KCTD8: variants seen among roughly 807,000 people sequenced by gnomAD.
KCTD8 encodes BTB/POZ domain-containing protein KCTD8.
In KCTD8, 27 loss-of-function variants were observed where a neutral mutation model predicts 31.5. That is an observed-to-expected ratio of 0.86 (90% confidence interval 0.63 to 1.18). The LOEUF (loss-of-function observed/expected upper bound fraction) is 1.18. Among genes scored for constraint, KCTD8 ranks in the 50% most tolerant of loss-of-function variants. KCTD8 has a pLI of 0.00. For synonymous variants in KCTD8, 290 were observed against 280.0 expected (o/e 1.04, Z -0.36); for missense variants, 658 against 647.7 (o/e 1.02, Z -0.17).
chr4:44,314,230 T>G (rs1718042433), intron 1 of KCTD8, among the ~76,000 whole-genome samples: 1 of 152,162 alleles, frequency 6.6e-6, no homozygotes, highest in Non-Finnish European at 1.5e-5. Flanking sequence ...TGGTACAGGT[T>G]GCTTTTATTG....
chr4:44,245,785 GCTAA>G (rs1376740363), intron 1 of KCTD8, among the ~76,000 whole-genome samples: 3 of 151,966 alleles, frequency 2.0e-5, no homozygotes, highest in South Asian at 2.1e-4. Context: ...AGAAAAAGCA[GCTAA>G]CTCTTATGAA....
At chr4:44,439,973 C>T (rs1448523929) in intron 1 of KCTD8, among the ~76,000 whole-genome samples, 1 of 150,926 alleles carries the variant, frequency 6.6e-6, no homozygotes, top group African/African-American at 2.4e-5. Flanking sequence ...ACTCTGTTTC[C>T]CAGGCTGGAG....
chr4:44,297,161 TA>T (rs1242412205), intron 1 of KCTD8, among the ~76,000 whole-genome samples: 2 of 151,948 alleles, frequency 1.3e-5, no homozygotes, highest in African/African-American at 4.8e-5. Flanking sequence ...AATACTAAGT[TA>T]AAAAAATATA....
At chr4:44,295,692 C>T (rs1237813239) in intron 1 of KCTD8, among the ~76,000 whole-genome samples, 3 of 152,040 alleles carry the variant, frequency 2.0e-5, no homozygotes, top group African/African-American at 2.4e-5. Context: ...GTTCTAGAGG[C>T]TTAGAAGTCC....
At chr4:44,266,230 G>A (rs1464217131) in intron 1 of KCTD8, among the ~76,000 whole-genome samples, 2 of 152,052 alleles carry the variant, frequency 1.3e-5, no homozygotes, top group East Asian at 1.9e-4. Flanking sequence ...GAGAGTGGGG[G>A]CCAATATTCA....
chr4:44,255,548 T>C (rs970254713), intron 1 of KCTD8, among the ~76,000 whole-genome samples: 3 of 151,908 alleles, frequency 2.0e-5, no homozygotes, highest in African/African-American at 4.8e-5. Context: ...ATTGTCTTAA[T>C]AGAAAAAACT....
intron 1 of KCTD8, among the ~76,000 whole-genome samples, chr4:44,426,068 T>C (rs989660949): frequency 6.7e-6 from 1 of 149,752 alleles, no homozygotes; most frequent in Non-Finnish European, 1.5e-5. Flanking sequence ...AGATAATGTA[T>C]ACTAAAAAGG....
rs774774590 is a variant in KCTD8, at chr4:44,448,445, C to T, written c.79G>A (p.Gly27Ser). Reference protein sequence around the residue: ...SEMVSSSSSPGASAAAAPGPC... With the variant: ...SEMVSSSSSPSASAAAAPGPC... ...CCCGGGGCGGCGGCGGCCGACGCGCCGGGCGAGCTGGACGAGGAAACCATC... is the reference window on the plus strand; with the variant it reads ...CCCGGGGCGGCGGCGGCCGACGCGCTGGGCGAGCTGGACGAGGAAACCATC... The change falls in exon 1 of 2, where the codon GGC becomes AGC. Residue 27 changes from glycine to serine, a missense_variant. By Grantham distance (56) the Gly-to-Ser change is moderately conservative. Transcript: ENST00000360029. This position sits in a 1 kb window ranked among gnomAD's most constrained non-coding sequence, Gnocchi z 4.1. 2 of 1,545,606 alleles carry T rather than the reference C, an allele frequency of 1.3e-6. No homozygotes were observed. The highest frequency in any genetic ancestry group is 4.3e-5 in the Admixed American group (2 of 46,772).
intron 1 of KCTD8, among the ~76,000 whole-genome samples, chr4:44,386,285 T>C (rs1458997175): frequency 6.6e-6 from 1 of 151,170 alleles, no homozygotes. Context: ...AGCCAAGAGG[T>C]AGAAGCAACT....
chr4:44,341,234 G>A (rs963841753), intron 1 of KCTD8, among the ~76,000 whole-genome samples: 1 of 152,060 alleles, frequency 6.6e-6, no homozygotes, highest in Non-Finnish European at 1.5e-5. Flanking sequence ...CAATCATCTG[G>A]GTCTTCAGCA....
chr4:44,350,667 A>T (rs1334444782), intron 1 of KCTD8, among the ~76,000 whole-genome samples: 1 of 152,202 alleles, frequency 6.6e-6, no homozygotes, highest in African/African-American at 2.4e-5. Context: ...ATATTTTTTT[A>T]AAATGAATAA....
chr4:44,344,411 C>A (rs984907453), intron 1 of KCTD8, among the ~76,000 whole-genome samples: 22 of 152,070 alleles, frequency 1.4e-4, no homozygotes, highest in African/African-American at 5.3e-4. Flanking sequence ...GACTCAAACT[C>A]CTGGCCTCAA....
chr4:44,292,269 T>C (rs908540368), intron 1 of KCTD8, among the ~76,000 whole-genome samples: 2 of 152,102 alleles, frequency 1.3e-5, no homozygotes, highest in African/African-American at 4.8e-5. Flanking sequence ...GTGGTACATA[T>C]ACACTATGGA....
chr4:44,391,051 AT>A (rs1403645840), intron 1 of KCTD8, among the ~76,000 whole-genome samples: 3 of 151,994 alleles, frequency 2.0e-5, no homozygotes, highest in Non-Finnish European at 4.4e-5. Context: ...ACTAGAAACC[AT>A]TATTCTAAGT....
chr4:44,185,705 T>C (rs1713565700), intron 1 of KCTD8, among the ~76,000 whole-genome samples: 1 of 152,162 alleles, frequency 6.6e-6, no homozygotes, highest in African/African-American at 2.4e-5. Flanking sequence ...AGCATAAAAC[T>C]TCTCATTATC....
At chr4:44,349,685 G>A (rs977372499) in intron 1 of KCTD8, among the ~76,000 whole-genome samples, 8 of 152,064 alleles carry the variant, frequency 5.3e-5, no homozygotes, top group Non-Finnish European at 1.0e-4. Context: ...GACTAGATTT[G>A]ACCTATGCTT....
intron 1 of KCTD8, among the ~76,000 whole-genome samples, chr4:44,232,701 A>G (rs567644846): frequency 3.9e-5 from 6 of 152,344 alleles, no homozygotes; most frequent in Admixed American, 2.0e-4. Context: ...ATAAAAAATC[A>G]TAAACAACAA....
chr4:44,400,912 C>G (rs920299702), intron 1 of KCTD8, among the ~76,000 whole-genome samples: 1 of 151,570 alleles, frequency 6.6e-6, no homozygotes, highest in African/African-American at 2.4e-5. Context: ...TCATGGCTCA[C>G]CACAGCCTTG....
At chr4:44,348,080 A>G (rs570844546) in intron 1 of KCTD8, among the ~76,000 whole-genome samples, 1 of 152,306 alleles carries the variant, frequency 6.6e-6, no homozygotes, top group South Asian at 2.1e-4. Context: ...TAATGAGTGT[A>G]TCTAGCTTCA....
Sources: gnomAD v4.1 joint callset for allele counts (sites outside exome capture counted in the v4.1 genomes callset) on GRCh38, gnomAD v4.1.1 for gene constraint, Gnocchi (gnomAD v3.1) non-coding constraint, MANE v1.5 for transcripts, NCBI Gene and HGNC (gene_info 2026-07-23, HGNC 2026-07-21) for gene names.